The following PPL variants were observed in gnomAD, a reference collection of about 807,000 sequenced individuals.
The protein encoded by PPL is 190 kDa paraneoplastic pemphigus antigen.
PPL carries 198 observed loss-of-function variants against 194.4 expected under a neutral mutation model. The ratio of observed to expected loss-of-function variants is 1.02; its 90% CI spans 0.91 to 1.15. The LOEUF (loss-of-function observed/expected upper bound fraction) is 1.15, where lower values mean the gene tolerates loss of function less well. Ranked by LOEUF, PPL falls within the 50% of genes most tolerant of loss-of-function variation. The pLI, the probability that PPL is intolerant of heterozygous loss-of-function variation, is 0.00. For synonymous variants in PPL, 1,220 were observed against 972.4 expected (o/e 1.25, Z -4.74); for missense variants, 2,885 against 2,294.8 (o/e 1.26, Z -5.25).
intron 1 of PPL, among the ~76,000 whole-genome samples, chr16:4,913,310 A>C (rs1273826666): frequency 6.6e-6 from 1 of 152,104 alleles, no homozygotes; most frequent in Admixed American, 6.6e-5. Flanking sequence ...GGCTCCCATC[A>C]GCCACTTAGT....
In PPL at chr16:4,885,546, G is replaced by A. The variant is rs755310125; in HGVS notation, c.3109C>T (p.Arg1037Cys). ...TTCTCTTCAGCCAGGGCGGCCACAC[G>A]CTGCTGCAGGAGGAGCACCTCTGCC... is the stretch of plus-strand genomic sequence containing the variant. The part of the protein sequence containing the change: ...REAEVLLLQQ[R>C]VAALAEEKSR... Residue 1037 changes from arginine (R) to cysteine (C), a missense_variant, in exon 22 of 22, where the codon CGT becomes TGT. Coordinates refer to ENST00000345988, the MANE Select transcript of PPL (RefSeq NM_002705.5). This position sits in a 1 kb window ranked among gnomAD's most constrained non-coding sequence, Gnocchi z 6.3. The A allele has an allele frequency of 9.3e-6, 15 of 1,610,288 alleles. No homozygotes were observed. The Middle Eastern group carries it at 4.9e-4, about 53-fold the overall frequency.
At chr16:4,911,002 A>C in intron 1 of PPL, 53 bp from the exon 2 acceptor site, 2 of 1,459,592 alleles carry the variant, frequency 1.4e-6, no homozygotes, top group South Asian at 1.2e-5. Flanking sequence ...GGTGGGGGCT[A>C]TGTCCCCACC....
chr16:4,894,005 A>G (rs2088370399), intron 12 of PPL, among the ~76,000 whole-genome samples: 1 of 152,202 alleles, frequency 6.6e-6, no homozygotes, highest in Non-Finnish European at 1.5e-5. Context: ...ACTTTGTACC[A>G]GGTACTTAAC....
Position 4,883,853 on chromosome 16 carries a change from A to G in PPL, c.4802T>C (p.Val1601Ala), listed in dbSNP as rs1349915409. The G allele has an allele frequency of 6.2e-7, 1 of 1,613,880 alleles. No homozygotes were observed. Among genetic ancestry groups the G allele is most frequent in the Non-Finnish European group, 8.5e-7 (1 of 1,180,028 alleles). ...GTCATGGTTGGTCCCAGAGTCCGCC[A>G]CGGTCATGTTCCGCAGGTCTCGTGT... ...TETRDLRNMT[V>A]ADSGTNHDSR... is the part of the protein sequence containing the mutation. The change falls in exon 22 of 22, where the codon GTG (valine) becomes GCG (alanine). Residue 1601 changes from valine (V) to alanine (A), a missense_variant. Coordinates refer to ENST00000345988, the MANE Select transcript of PPL (RefSeq NM_002705.5). This position sits in a 1 kb window ranked among gnomAD's most constrained non-coding sequence, Gnocchi z 4.8.
At position 4,890,767 on chromosome 16, in the gene PPL, C is replaced by G. The variant is rs2088304118; in HGVS notation, c.2123G>C (p.Gly708Ala). 5 of 1,609,926 alleles carry G rather than the reference C, an allele frequency of 3.1e-6. No homozygotes were observed. In the East Asian group the frequency reaches 1.1e-4, roughly 36 times the overall value. Residue 708 changes from glycine to alanine, a missense_variant, in exon 17 of 22, where the codon GGC becomes GCC. By Grantham distance (60) the Gly-to-Ala change is moderately conservative. Coordinates refer to ENST00000345988, the MANE Select transcript of PPL (RefSeq NM_002705.5). ...ERQEAEVHKL[G>A]QRFNNLRQQV... ...CTGGCGCAGGTTGTTGAAACGCTGG[C>G]CCAGCTTGTGCACCTCGGCCTCCTG...
At chr16:4,893,683 C>T (rs898294651) in intron 12 of PPL, 45 bp from the exon 13 acceptor site, 1 of 1,498,516 alleles carries the variant, frequency 6.7e-7, no homozygotes. Context: ...GCCCACCACC[C>T]CCTGCACCCA....
Position 4,884,179 on chromosome 16 carries a change from C to T in PPL, c.4476G>A (p.Lys1492=). ...TLRRKLAALE[K]AEVKEKVVLS... ...GCACCACCTTCTCCTTGACCTCCGCCTTCTCCAGTGCAGCCAGTTTCCTCC... is the reference window on the plus strand; with the variant it reads ...GCACCACCTTCTCCTTGACCTCCGCTTTCTCCAGTGCAGCCAGTTTCCTCC... Residue 1492 remains lysine, a synonymous_variant, in exon 22 of 22, where the codon AAG becomes AAA. Transcript: ENST00000345988. This position sits in a 1 kb window ranked among gnomAD's most constrained non-coding sequence, Gnocchi z 5.7. 3.1e-6 allele frequency: 5 copies of T among 1,613,996 alleles called. No individual in the cohort carries two copies. Among genetic ancestry groups the T allele is most frequent in the Non-Finnish European group, 4.2e-6 (5 of 1,180,022 alleles).
chr16:4,930,245 G>C (rs1458422746), intron 1 of PPL, among the ~76,000 whole-genome samples: 1 of 152,188 alleles, frequency 6.6e-6, no homozygotes, highest in East Asian at 1.9e-4. Context: ...AGAAGCCTGT[G>C]TGGCTGGGTC....
intron 1 of PPL, among the ~76,000 whole-genome samples, chr16:4,925,568 C>G (rs966676393): frequency 3.3e-5 from 5 of 152,302 alleles, no homozygotes; most frequent in Non-Finnish European, 5.9e-5. Flanking sequence ...GGGGGCCCTT[C>G]TATAACCTTA....
In PPL at chr16:4,934,122, A is replaced by C. The variant is rs569102775; in HGVS notation, c.62+2862T>G. Among the ~76,000 whole-genome samples, 4 of 152,320 alleles carry C rather than the reference A, an allele frequency of 2.6e-5. No homozygotes were observed. In the South Asian group the frequency reaches 8.3e-4, roughly 32 times the overall value. On this transcript the variant is annotated intron_variant, in intron 1 of 21. Transcript: ENST00000345988. ...CTCCAGGGCCTCTCTACTAGGCTGG[A>C]GGCTGTCCTCGGTCACCTGCACCAT...
intron 12 of PPL, 47 bp from the exon 13 acceptor site, chr16:4,893,685 C>T (rs1224493167): frequency 3.3e-6 from 5 of 1,494,142 alleles, no homozygotes; most frequent in Non-Finnish European, 4.5e-6. Flanking sequence ...CCACCACCCC[C>T]TGCACCCACA....
chr16:4,930,964 T>A (rs1248320550), intron 1 of PPL, among the ~76,000 whole-genome samples: 2 of 151,912 alleles, frequency 1.3e-5, no homozygotes, highest in Non-Finnish European at 2.9e-5. Context: ...CTGGCTGCCA[T>A]GGGGAGAAGG....
At chr16:4,895,036 A>G (rs1261047241) in intron 11 of PPL, among the ~76,000 whole-genome samples, 1 of 152,094 alleles carries the variant, frequency 6.6e-6, no homozygotes, top group Non-Finnish European at 1.5e-5. Flanking sequence ...GGGACTTCTG[A>G]GGAGGGACTG....
At chr16:4,918,276 G>A (rs1451429962) in intron 1 of PPL, among the ~76,000 whole-genome samples, 1 of 140,022 alleles carries the variant, frequency 7.1e-6, no homozygotes, top group East Asian at 2.2e-4. Flanking sequence ...CTGGGCGACA[G>A]AGCAAGACTC....
At chr16:4,893,755 G>C in intron 12 of PPL, 117 bp from the exon 13 acceptor site, 1 of 778,080 alleles carries the variant, frequency 1.3e-6, no homozygotes, top group South Asian at 1.7e-5. Flanking sequence ...CAGCTCCTTA[G>C]ATGCGGACAG....
Position 4,883,941 on chromosome 16 carries a change from T to G in PPL, c.4714A>C (p.Arg1572=). The G allele has an allele frequency of 6.2e-7, 1 of 1,614,014 alleles. No individual in the cohort carries two copies. Among genetic ancestry groups the G allele is most frequent in the Non-Finnish European group, 8.5e-7 (1 of 1,180,000 alleles). The change falls in exon 22 of 22, where the codon AGG becomes CGG. Residue 1572 remains arginine, a synonymous_variant. Transcript: ENST00000345988. The surrounding 1 kb of genome is among the most constrained non-coding windows in gnomAD (Gnocchi z 4.8). Reference sequence around the variant, plus strand: ...CGGGTCTCCAGCTGCAGGTTTTGCCTCTCCAGCTGTAATTTGTGGTTCTCT... The same window carrying G: ...CGGGTCTCCAGCTGCAGGTTTTGCCGCTCCAGCTGTAATTTGTGGTTCTCT... The part of the protein sequence containing the change: ...REENHKLQLE[R]QNLQLETRRL...
intron 2 of PPL, among the ~76,000 whole-genome samples, chr16:4,910,640 T>C (rs2088800347): frequency 6.6e-6 from 1 of 152,108 alleles, no homozygotes. Flanking sequence ...CAGTGCACGG[T>C]AGGGTGTTCA....
chr16:4,894,732 G>C, intron 11 of PPL, 114 bp from the exon 12 acceptor site: 1 of 1,252,028 alleles, frequency 8.0e-7, no homozygotes. Context: ...TCATCACTTG[G>C]ACCCTCCCCG....
Position 4,889,075 on chromosome 16 carries a change from T to C in PPL, c.2314-14A>G. 6.2e-7 allele frequency: 1 copy of C among 1,611,936 alleles called. No homozygotes were observed. The highest frequency in any genetic ancestry group is 1.1e-5 in the South Asian group (1 of 90,946). On this transcript the variant is annotated splice_polypyrimidine_tract_variant and intron_variant, in intron 18 of 21. Transcript: ENST00000345988. ...ATCTAGCAGGTTCTGTAAGACAGAG[T>C]TTAAAAATCAAAACTAACCAGAAAA...
Sources: gnomAD v4.1 joint callset for allele counts (sites outside exome capture counted in the v4.1 genomes callset) on GRCh38, gnomAD v4.1.1 for gene constraint, Gnocchi (gnomAD v3.1) non-coding constraint, MANE v1.5 for transcripts, NCBI Gene and HGNC (gene_info 2026-07-23, HGNC 2026-07-21) for gene names.